Variants in SMC1B observed in about 807,000 individuals in gnomAD.
SMC1B encodes the protein structural maintenance of chromosomes 1B, also known as structural maintenance of chromosomes protein 1B.
In SMC1B, 60 loss-of-function variants were observed where a neutral mutation model predicts 157.9. The observed-to-expected ratio is 0.38, with a 90% CI of 0.31 to 0.47. SMC1B has a LOEUF of 0.47. Ranked by LOEUF, SMC1B falls within the 20% of genes least tolerant of loss-of-function variation. SMC1B has a pLI of 0.99. For synonymous variants in SMC1B, 445 were observed against 483.0 expected (o/e 0.92, Z 1.03); for missense variants, 1,165 against 1,426.2 (o/e 0.82, Z 2.95).
intron 9 of SMC1B, 21 bp from the exon 10 acceptor site, chr22:45,389,918 G>C (rs757587320): frequency 6.3e-7 from 1 of 1,595,454 alleles, no homozygotes; most frequent in African/African-American, 1.3e-5. Flanking sequence ...TTCAAAAAAG[G>C]AGAGAAAAAC....
chr22:45,401,492 G>A (rs902886356), intron 5 of SMC1B, among the ~76,000 whole-genome samples: 3 of 152,220 alleles, frequency 2.0e-5, no homozygotes, highest in Admixed American at 2.0e-4. Context: ...TAGAAAAGCT[G>A]GCAAACATGG....
At chr22:45,377,427 A>G (rs2086893462) in intron 12 of SMC1B, among the ~76,000 whole-genome samples, 1 of 151,912 alleles carries the variant, frequency 6.6e-6, no homozygotes, top group African/African-American at 2.4e-5. Context: ...TCACAAGGTC[A>G]GGAGTTCCAG....
intron 11 of SMC1B, 29 bp from the exon 12 acceptor site, chr22:45,383,642 A>C (rs538871260): frequency 1.0e-5 from 16 of 1,554,292 alleles, no homozygotes; most frequent in Non-Finnish European, 1.4e-5. Flanking sequence ...TTTGCCCTGG[A>C]GAAATGTACA....
At chr22:45,344,871 A>G (rs1407823214) in intron 24 of SMC1B, among the ~76,000 whole-genome samples, 1 of 152,164 alleles carries the variant, frequency 6.6e-6, no homozygotes, top group African/African-American at 2.4e-5. Context: ...GTCCCCTAAC[A>G]TTCTGTAGGC....
At chr22:45,354,704 T>C (rs1408649433) in intron 20 of SMC1B, among the ~76,000 whole-genome samples, 2 of 152,134 alleles carry the variant, frequency 1.3e-5, no homozygotes, top group African/African-American at 4.8e-5. Flanking sequence ...TAAGAGTATT[T>C]ATTATGTCAA....
intron 15 of SMC1B, among the ~76,000 whole-genome samples, chr22:45,367,191 T>A (rs1324352420): frequency 6.6e-6 from 1 of 152,238 alleles, no homozygotes; most frequent in Non-Finnish European, 1.5e-5. Context: ...TGTACATCTA[T>A]CTCTTCACAT....
At chr22:45,390,042 A>G in intron 9 of SMC1B, 145 bp from the exon 10 acceptor site, 2 of 670,026 alleles carry the variant, frequency 3.0e-6, no homozygotes, top group Non-Finnish European at 4.9e-6. Context: ...TTTTATTCAA[A>G]TAGACCTAAG....
intron 24 of SMC1B, 144 bp from the exon 25 acceptor site, chr22:45,344,801 G>T: frequency 1.9e-6 from 1 of 524,814 alleles, no homozygotes; most frequent in South Asian, 2.7e-5. Flanking sequence ...TTGGTTGTGG[G>T]TTTTTTTGGT....
At chr22:45,366,654 T>C (rs1247112642) in intron 15 of SMC1B, among the ~76,000 whole-genome samples, 1 of 152,146 alleles carries the variant, frequency 6.6e-6, no homozygotes, top group Admixed American at 6.5e-5. Context: ...TCCCAGCACT[T>C]TGGGAGGCCG....
chr22:45,397,927 G>GGACA (rs1280625657), intron 6 of SMC1B, among the ~76,000 whole-genome samples: 7 of 152,138 alleles, frequency 4.6e-5, no homozygotes, highest in Admixed American at 1.3e-4. Context: ...CTTAGACACA[G>GGACA]GACAAGAACT....
Position 45,389,864 on chromosome 22 carries a change from G to C in SMC1B, c.1579C>G (p.His527Asp), listed in dbSNP as rs1441468247. The C allele has an allele frequency of 6.2e-7, 1 of 1,614,062 alleles. No homozygotes were observed. The highest frequency in any genetic ancestry group is 8.5e-7 in the Non-Finnish European group (1 of 1,180,002). The change falls in exon 10 of 25, where the codon CAT becomes GAT. Residue 527 changes from histidine (H) to aspartate (D), a missense_variant. Transcript: ENST00000357450. ...GRLFDLCHPI[H>D]KKYQLAVTKV... The stretch of plus-strand genomic sequence containing the variant: ...GTAACAGCCAGCTGGTATTTCTTAT[G>C]AATAGGATGACACAGGTCAAATAGT...
At position 45,372,296 on chromosome 22, in the gene SMC1B, A is replaced by G; in HGVS notation, c.2059-4T>C. Reference sequence around the variant, plus strand: ...TGCGGAGTGTCTTCATTAAACCCTAAAAGGAAAGAAAAACATGAGAATATT... The same window carrying G: ...TGCGGAGTGTCTTCATTAAACCCTAGAAGGAAAGAAAAACATGAGAATATT... On this transcript the variant is annotated splice_region_variant and splice_polypyrimidine_tract_variant and intron_variant, in intron 12 of 24. Coordinates refer to ENST00000357450, the MANE Select transcript of SMC1B (RefSeq NM_148674.5). 6.4e-7 allele frequency: 1 copy of G among 1,571,576 alleles called. No homozygotes were observed. The highest frequency in any genetic ancestry group is 2.3e-5 in the East Asian group (1 of 43,988).
At chr22:45,346,768 C>T (rs780537336) in intron 23 of SMC1B, among the ~76,000 whole-genome samples, 44 of 152,180 alleles carry the variant, frequency 2.9e-4, no homozygotes, top group Non-Finnish European at 5.6e-4. Context: ...GCAGGGCATG[C>T]GTTTTTCCTG....
intron 4 of SMC1B, 39 bp downstream of exon 4, chr22:45,406,421 T>C: frequency 6.4e-7 from 1 of 1,551,926 alleles, no homozygotes; most frequent in Non-Finnish European, 8.8e-7. Flanking sequence ...GAAAGTTTTA[T>C]ATCCAACAAC....
chr22:45,394,281 C>T (rs569447325), intron 8 of SMC1B, among the ~76,000 whole-genome samples: 3 of 152,040 alleles, frequency 2.0e-5, no homozygotes, highest in East Asian at 1.9e-4. Context: ...GCCATGATCA[C>T]GCAACTGCAC....
intron 12 of SMC1B, among the ~76,000 whole-genome samples, chr22:45,375,527 T>G (rs191361066): frequency 6.6e-6 from 1 of 152,374 alleles, no homozygotes; most frequent in East Asian, 1.9e-4. Context: ...AACAGATAAC[T>G]ATTTCTTGAT....
rs1206298605 is a variant in SMC1B, at chr22:45,354,021, A to G, written c.3230T>C (p.Ile1077Thr). The G allele has an allele frequency of 1.3e-6, 2 of 1,597,132 alleles. No homozygotes were observed. Among genetic ancestry groups the G allele is most frequent in the African/African-American group, 1.4e-5 (1 of 74,014 alleles). The change falls in exon 21 of 25, where the codon ATT becomes ACT. Residue 1077 changes from isoleucine (I) to threonine (T), a missense_variant. Physicochemically the swap from Ile to Thr is moderately conservative, Grantham distance 89. Transcript: ENST00000357450. ...TQCFEHVSIS[I>T]DQIYKKLCRN... Reference sequence around the variant, plus strand: ...GCAGAGCTTCTTGTAGATTTGATCAATTGAGATTGAGACATGCTCAAAACA... The same window carrying G: ...GCAGAGCTTCTTGTAGATTTGATCAGTTGAGATTGAGACATGCTCAAAACA...
At chr22:45,359,677 CT>C in intron 18 of SMC1B, 127 bp downstream of exon 18, 4 of 1,008,652 alleles carry the variant, frequency 4.0e-6, no homozygotes, top group African/African-American at 1.6e-5. Context: ...TCATTTTGCC[CT>C]TTTTCCCTCC....
intron 9 of SMC1B, among the ~76,000 whole-genome samples, chr22:45,390,474 G>A (rs894735910): frequency 3.9e-5 from 6 of 152,082 alleles, no homozygotes; most frequent in Non-Finnish European, 7.4e-5. Flanking sequence ...TTGGGAGGCC[G>A]AGGCGGGCAG....
Sources: allele counts gnomAD v4.1 joint callset (sites outside exome capture counted in the v4.1 genomes callset), GRCh38; gene constraint gnomAD v4.1.1; transcripts MANE v1.5; gene names NCBI Gene and HGNC (gene_info 2026-07-23, HGNC 2026-07-21).